Variants in SF3A1 observed in about 807,000 individuals in gnomAD.
The protein encoded by SF3A1 is SAP 114.
SF3A1 carries 13 observed loss-of-function variants against 89.9 expected under a neutral mutation model. That is an observed-to-expected ratio of 0.14 (90% CI 0.09 to 0.23). The LOEUF (loss-of-function observed/expected upper bound fraction) is 0.23. SF3A1 is among the 10% of genes least tolerant of loss of function. The probability of loss-of-function intolerance (pLI) is 1.00; values close to 1 mark genes in which losing one functional copy is unlikely to be tolerated. For missense variants in SF3A1, 604 were observed against 1,022.1 expected (o/e 0.59, Z 5.58); for synonymous variants, 405 against 374.4 (o/e 1.08, Z -0.94).
Position 30,332,310 on chromosome 22 carries a change from C to T in SF3A1, c.*2284G>A, listed in dbSNP as rs1005188994. 4 of 152,218 alleles carry T rather than the reference C, an allele frequency of 2.6e-5. No homozygotes were observed. Among genetic ancestry groups the T allele is most frequent in the Non-Finnish European group, 4.4e-5 (3 of 68,038 alleles). 9.4% of individuals were successfully genotyped at this position (152,218 alleles called of 1,614,324 possible). A position where few individuals can be genotyped will look rare whatever the true frequency, so the allele number is the denominator to read the frequency against. ...TGAAAGTGAAATTCCTTAATGTCTACAATTCCTGGAGCCCTCTGCATGCAA... is the reference window on the plus strand; with the variant it reads ...TGAAAGTGAAATTCCTTAATGTCTATAATTCCTGGAGCCCTCTGCATGCAA... On this transcript the variant is annotated 3_prime_UTR_variant, in exon 16 of 16. Coordinates refer to ENST00000215793, the MANE Select transcript of SF3A1 (RefSeq NM_005877.6).
chr22:30,351,827 T>G (rs1931603859), intron 2 of SF3A1, among the ~76,000 whole-genome samples: 1 of 152,218 alleles, frequency 6.6e-6, no homozygotes, highest in South Asian at 2.1e-4. Context: ...GCAACAAATT[T>G]GAGTTTCGAA....
intron 12 of SF3A1, among the ~76,000 whole-genome samples, chr22:30,337,473 C>A (rs779041515): frequency 2.0e-5 from 3 of 152,172 alleles, no homozygotes; most frequent in Non-Finnish European, 4.4e-5. Context: ...CCTGAATGCA[C>A]AGACACTGGC....
intron 2 of SF3A1, among the ~76,000 whole-genome samples, chr22:30,349,793 G>A (rs770579673): frequency 6.6e-5 from 10 of 151,314 alleles, no homozygotes; most frequent in African/African-American, 1.5e-4. Context: ...ACAGATATGC[G>A]CCACCATGCC....
chr22:30,340,553 T>C lies in SF3A1; in HGVS notation c.1189+142A>G, dbSNP rs554195312. The C allele has an allele frequency of 4.3e-5, 37 of 853,144 alleles. No individual in the cohort carries two copies. The East Asian group carries it at 6.4e-4, about 15-fold the overall frequency. The allele number at this position is 853,144 out of a possible 1,614,324, so 52.8% of individuals were successfully genotyped here. Reference sequence around the variant, plus strand: ...AGATGACTGGGCCCTGTTCCCACCATGAAACCTGTAACAGACGGGCTTGCA... The same window carrying C: ...AGATGACTGGGCCCTGTTCCCACCACGAAACCTGTAACAGACGGGCTTGCA... On this transcript the variant is annotated intron_variant, in intron 8 of 15. Transcript: ENST00000215793.
chr22:30,339,239 T>C lies in SF3A1; in HGVS notation c.1388A>G (p.Glu463Gly). ...CTCAGCCAACTGCTTCAAGCTGCTC[T>C]CAATATCCAGACCTGTACAGTCACA... The part of the protein sequence containing the change: ...DEVYAPGLDI[E>G]SSLKQLAERR... Residue 463 changes from glutamate to glycine, a missense_variant, in exon 10 of 16, where the codon GAG (glutamate) becomes GGG (glycine). Physicochemically the swap from Glu to Gly is moderately conservative, Grantham distance 98 (BLOSUM62 -2). Transcript: ENST00000215793. 3.1e-6 allele frequency: 5 copies of C among 1,613,966 alleles called. No individual in the cohort carries two copies. The highest frequency in any genetic ancestry group is 4.2e-6 in the Non-Finnish European group (5 of 1,180,036).
At position 30,337,677 on chromosome 22, in the gene SF3A1, A is replaced by T; in HGVS notation, c.1951+13T>A. The T allele has an allele frequency of 3.3e-6, 3 of 905,690 alleles. No homozygotes were observed. Among genetic ancestry groups the T allele is most frequent in the Middle Eastern group, 3.9e-4 (1 of 2,592 alleles). The allele number at this position is 905,690 out of a possible 1,614,324, so 56.1% of individuals were successfully genotyped here. A position where few individuals can be genotyped will look rare whatever the true frequency, so the allele number is the denominator to read the frequency against. Reference sequence around the variant, plus strand: ...GAACTAATGGCCTGGAAAATGATGCAAGAGATACTGACCTGTTGGCACAAT... The same window carrying T: ...GAACTAATGGCCTGGAAAATGATGCTAGAGATACTGACCTGTTGGCACAAT... On this transcript the variant is annotated intron_variant, in intron 12 of 15. Coordinates refer to ENST00000215793, the MANE Select transcript of SF3A1 (RefSeq NM_005877.6).
At chr22:30,345,211 G>A in intron 3 of SF3A1, 21 bp from the exon 4 acceptor site, 3 of 1,605,736 alleles carry the variant, frequency 1.9e-6, no homozygotes, top group Non-Finnish European at 2.6e-6. Flanking sequence ...AAGGGAGTAT[G>A]AGGCGAGAGG....
rs1477366473 is a variant in SF3A1, at chr22:30,332,732, C to T, written c.*1862G>A. On this transcript the variant is annotated 3_prime_UTR_variant, in exon 16 of 16. Transcript: ENST00000215793. ...GCTTCTGCATCTGAGCGAGCCAGTA[C>T]AGATATTCATTCAGGAGCTCCAGGA... is the stretch of plus-strand genomic sequence containing the variant. 1 of 152,202 alleles carries T rather than the reference C, an allele frequency of 6.6e-6. No individual in the cohort carries two copies. The highest frequency in any genetic ancestry group is 1.9e-4 in the East Asian group (1 of 5,192). The allele number at this position is 152,202 out of a possible 1,614,324, so 9.4% of individuals were successfully genotyped here. A position where few individuals can be genotyped will look rare whatever the true frequency, so the allele number is the denominator to read the frequency against.
intron 1 of SF3A1, 64 bp from the exon 2 acceptor site, chr22:30,353,136 A>G: frequency 6.3e-7 from 1 of 1,584,704 alleles, no homozygotes; most frequent in Non-Finnish European, 8.6e-7. Context: ...TCTCCACTGT[A>G]AAACTCCTCT....
chr22:30,339,573 T>C (rs531928031), intron 9 of SF3A1, among the ~76,000 whole-genome samples: 4 of 152,012 alleles, frequency 2.6e-5, no homozygotes, highest in African/African-American at 9.7e-5. Flanking sequence ...ATGGCCAACA[T>C]AGCGAAACCC....
At chr22:30,338,366 G>A (rs546111649) in intron 11 of SF3A1, among the ~76,000 whole-genome samples, 7 of 151,508 alleles carry the variant, frequency 4.6e-5, no homozygotes, top group African/African-American at 1.5e-4. Flanking sequence ...GCTGAGGCAC[G>A]AGAATCACTT....
At position 30,341,868 on chromosome 22, in the gene SF3A1, T is replaced by C; in HGVS notation, c.895A>G (p.Thr299Ala). The C allele has an allele frequency of 6.2e-7, 1 of 1,612,920 alleles. No individual in the cohort carries two copies. The highest frequency in any genetic ancestry group is 8.5e-7 in the Non-Finnish European group (1 of 1,179,918). Residue 299 changes from threonine (T) to alanine (A), a missense_variant, in exon 7 of 16, where the codon ACC becomes GCC. Transcript: ENST00000215793. The part of the protein sequence containing the change: ...PNEQGNFPPP[T>A]TPEELGARIL... Reference sequence around the variant, plus strand: ...CGGGCCCCCAGCTCCTCTGGCGTGGTGGGGGGAGGGAAGTTCCCTAGAGGG... The same window carrying C: ...CGGGCCCCCAGCTCCTCTGGCGTGGCGGGGGGAGGGAAGTTCCCTAGAGGG...
chr22:30,344,873 C>T (rs972417976), intron 4 of SF3A1, 60 bp downstream of exon 4: 1 of 1,576,770 alleles, frequency 6.3e-7, no homozygotes, highest in Non-Finnish European at 8.6e-7. Flanking sequence ...ACAGTGCTTC[C>T]AAGCATAAGA....
Position 30,340,677 on chromosome 22 carries a change from G to GA in SF3A1, c.1189+17dup. The GA allele has an allele frequency of 1.3e-6, 2 of 1,500,312 alleles. No homozygotes were observed. Among genetic ancestry groups the GA allele is most frequent in the Non-Finnish European group, 1.9e-6 (2 of 1,077,462 alleles). The allele number at this position is 1,500,312 out of a possible 1,614,324, so 92.9% of individuals were successfully genotyped here. On this transcript the variant is annotated intron_variant, in intron 8 of 15. Transcript: ENST00000215793. ...ACTTCCTGGGCAGCCCGAGGGTTGG[G>GA]AAGCAGGCCCTCCCTACCTTTGGGA...
At chr22:30,342,490 AC>A (rs1931290872) in intron 5 of SF3A1, 140 bp from the exon 6 acceptor site, 1 of 917,140 alleles carries the variant, frequency 1.1e-6, no homozygotes, top group Non-Finnish European at 1.6e-6. Flanking sequence ...TGGCATTTGC[AC>A]CTGGTTCCAC....
Position 30,337,245 on chromosome 22 carries a change from A to G in SF3A1, c.1952-65T>C, listed in dbSNP as rs1357985736. 2.8e-6 allele frequency: 4 copies of G among 1,441,450 alleles called. No individual in the cohort carries two copies. The Admixed American group carries it at 6.9e-5, about 25-fold the overall frequency. 89.3% of individuals were successfully genotyped at this position (1,441,450 alleles called of 1,614,324 possible). A position where few individuals can be genotyped will look rare whatever the true frequency, so the allele number is the denominator to read the frequency against. On this transcript the variant is annotated intron_variant, in intron 12 of 15. Coordinates refer to ENST00000215793, the MANE Select transcript of SF3A1 (RefSeq NM_005877.6). ...AGGGGCCCAGGACTCAGGGCTGATG[A>G]GAAGTTGAGAGGGAAGGTTGCAAAG...
intron 2 of SF3A1, among the ~76,000 whole-genome samples, chr22:30,348,940 C>T (rs1036929382): frequency 6.6e-6 from 1 of 152,186 alleles, no homozygotes; most frequent in African/African-American, 2.4e-5. Context: ...TCATTCCAAG[C>T]TATTCAGTTG....
At chr22:30,348,190 G>T (rs902136937) in intron 2 of SF3A1, among the ~76,000 whole-genome samples, 1 of 152,226 alleles carries the variant, frequency 6.6e-6, no homozygotes, top group Non-Finnish European at 1.5e-5. Flanking sequence ...GCTAGGAGGG[G>T]TTGTTCCATA....
Position 30,341,553 on chromosome 22 carries a change from G to A in SF3A1, c.1071+139C>T, listed in dbSNP as rs1288112615. On this transcript the variant is annotated intron_variant, in intron 7 of 15. Coordinates refer to ENST00000215793, the MANE Select transcript of SF3A1 (RefSeq NM_005877.6). ...AGAGGCTCTGTGCTGCCTGGACTTG[G>A]GCAGCTGTATGGCCTTGTTCAGGAC... is the stretch of plus-strand genomic sequence containing the variant. 6.9e-6 allele frequency: 3 copies of A among 436,212 alleles called. 1 individual carries two copies. The highest frequency in any genetic ancestry group is 8.6e-6 in the Non-Finnish European group (2 of 232,208). 27.0% of individuals were successfully genotyped at this position (436,212 alleles called of 1,614,324 possible).
Sources: allele counts gnomAD v4.1 joint callset (sites outside exome capture counted in the v4.1 genomes callset), GRCh38; gene constraint gnomAD v4.1.1; transcripts MANE v1.5; gene names NCBI Gene and HGNC (gene_info 2026-07-23, HGNC 2026-07-21).